The following ZBTB24 variants were observed in gnomAD, a reference collection of about 807,000 sequenced individuals.
The protein encoded by ZBTB24 is zinc finger and BTB domain containing 24.
In ZBTB24, 32 loss-of-function variants were observed where a neutral mutation model predicts 53.8. That is an observed-to-expected ratio of 0.60 (90% CI 0.45 to 0.80). The LOEUF (loss-of-function observed/expected upper bound fraction) is 0.80. ZBTB24 is among the 30% of genes least tolerant of loss of function. ZBTB24 has a pLI of 0.00. For synonymous variants in ZBTB24, 297 were observed against 306.7 expected (o/e 0.97, Z 0.33); for missense variants, 722 against 837.1 (o/e 0.86, Z 1.70).
At position 109,482,034 on chromosome 6, in the gene ZBTB24, A is replaced by C; in HGVS notation, c.-8T>G. ...TGGCGATGTTTCTGCCATTTTCTTC[A>C]GAAGCCACTAAGGGTTAAATCTGAA... On this transcript the variant is annotated 5_prime_UTR_variant, in exon 2 of 7. Coordinates refer to ENST00000230122, the MANE Select transcript of ZBTB24 (RefSeq NM_014797.3). The C allele has an allele frequency of 6.2e-7, 1 of 1,613,106 alleles. No individual in the cohort carries two copies. Among genetic ancestry groups the C allele is most frequent in the South Asian group, 1.1e-5 (1 of 91,060 alleles).
At chr6:109,471,527 T>C (rs1300503789) in intron 5 of ZBTB24, among the ~76,000 whole-genome samples, 2 of 152,220 alleles carry the variant, frequency 1.3e-5, no homozygotes, top group African/African-American at 2.4e-5. Flanking sequence ...CAGGGCCATC[T>C]ACCTGTGAGT....
rs1776037217 is a variant in ZBTB24, at chr6:109,466,235, G to T, written c.1710C>A (p.Ser570Arg). 6.2e-7 allele frequency: 1 copy of T among 1,614,094 alleles called. No homozygotes were observed. Among genetic ancestry groups the T allele is most frequent in the Admixed American group, 1.7e-5 (1 of 60,012 alleles). ...CTGCAGTCACAATGCTGATTCCCTG[G>T]CTAGGACCGGGCATGAAATTGATGT... ...VHNINFMPGPSQGISIVTAES... is the reference protein window; with the variant it reads ...VHNINFMPGPRQGISIVTAES... The change falls in exon 7 of 7, where the codon AGC (serine) becomes AGA (arginine). Residue 570 changes from serine to arginine, a missense_variant. Transcript: ENST00000230122.
At chr6:109,473,951 T>C (rs1776222845) in intron 5 of ZBTB24, among the ~76,000 whole-genome samples, 1 of 151,238 alleles carries the variant, frequency 6.6e-6, no homozygotes. Flanking sequence ...TAGCCAGGCG[T>C]GGTGGTGCGC....
chr6:109,481,466 T>C lies in ZBTB24; in HGVS notation c.561A>G (p.Arg187=), dbSNP rs1214916547. ...ELAAEEEIQL[R]VNNSVQNRQN... ...GTCTATTCTGAACTGAATTGTTCAC[T>C]CTTAACTGTATTTCTTCCTCTGCAG... Residue 187 remains arginine, a synonymous_variant, in exon 2 of 7, where the codon AGA becomes AGG. Transcript: ENST00000230122. The C allele has an allele frequency of 9.3e-6, 15 of 1,614,120 alleles. No individual in the cohort carries two copies. The South Asian group carries it at 1.3e-4, about 14-fold the overall frequency.
At position 109,467,740 on chromosome 6, in the gene ZBTB24, A is replaced by C; in HGVS notation, c.1289-6T>G. On this transcript the variant is annotated splice_polypyrimidine_tract_variant and splice_region_variant and intron_variant, in intron 5 of 6. Coordinates refer to ENST00000230122, the MANE Select transcript of ZBTB24 (RefSeq NM_014797.3). ...ACAAGTAAATGGCTTCTCACCTAAA[A>C]AAAACAAAAACAAAAACAAAAAACC... 6.2e-7 allele frequency: 1 copy of C among 1,612,374 alleles called. No individual in the cohort carries two copies.
At chr6:109,477,652 T>C (rs966229596) in intron 2 of ZBTB24, among the ~76,000 whole-genome samples, 1 of 152,216 alleles carries the variant, frequency 6.6e-6, no homozygotes, top group East Asian at 1.9e-4. Context: ...TGAGGAGGGT[T>C]AAGAAAAAGG....
intron 2 of ZBTB24, among the ~76,000 whole-genome samples, chr6:109,479,421 G>A (rs983640569): frequency 6.6e-6 from 1 of 152,164 alleles, no homozygotes; most frequent in Non-Finnish European, 1.5e-5. Context: ...AATATTACTA[G>A]ACCGGGAAAA....
At chr6:109,479,041 G>A (rs1776339990) in intron 2 of ZBTB24, among the ~76,000 whole-genome samples, 2 of 152,066 alleles carry the variant, frequency 1.3e-5, no homozygotes, top group Admixed American at 1.3e-4. Context: ...CAGAGGGTGG[G>A]GCCAAAAATG....
At chr6:109,482,482 A>G (rs1379240570) in intron 1 of ZBTB24, among the ~76,000 whole-genome samples, 2 of 147,640 alleles carry the variant, frequency 1.4e-5, no homozygotes, top group Non-Finnish European at 3.0e-5. Context: ...ACAAAAACAA[A>G]ACAACTTAGC....
chr6:109,480,234 T>C (rs1190206852), intron 2 of ZBTB24, among the ~76,000 whole-genome samples: 2 of 152,084 alleles, frequency 1.3e-5, no homozygotes, highest in East Asian at 3.9e-4. Flanking sequence ...AGATTACAAT[T>C]AAGTTGAGGG....
In ZBTB24 at chr6:109,476,975, C is replaced by T. The variant is rs370587862; in HGVS notation, c.953-45G>A. 154 of 1,603,220 alleles carry T rather than the reference C, an allele frequency of 9.6e-5. No homozygotes were observed. The African/African-American group carries it at 1.7e-3, about 18-fold the overall frequency. ...AGCATGGTATAAGTAAGAATCCACA[C>T]ATTTTTCTGTCTCTCCCAAATTAAA... On this transcript the variant is annotated intron_variant, in intron 2 of 6. Coordinates refer to ENST00000230122, the MANE Select transcript of ZBTB24 (RefSeq NM_014797.3).
chr6:109,476,841 G>A lies in ZBTB24; in HGVS notation c.1042C>T (p.Arg348Trp), dbSNP rs753917509. Residue 348 changes from arginine to tryptophan, a missense_variant, in exon 3 of 7, where the codon CGG becomes TGG. Physicochemically the swap from Arg to Trp is moderately radical, Grantham distance 101 (BLOSUM62 -3). Coordinates refer to ENST00000230122, the MANE Select transcript of ZBTB24 (RefSeq NM_014797.3). ...QVHTRMHTGE[R>W]PYTCTVCSKA... is the part of the protein sequence containing the mutation. Reference sequence around the variant, plus strand: ...CTGCACACGGTGCAGGTGTACGGCCGCTCGCCTGTGTGCATCCTGGTGTGG... The same window carrying A: ...CTGCACACGGTGCAGGTGTACGGCCACTCGCCTGTGTGCATCCTGGTGTGG... 16 of 1,614,132 alleles carry A rather than the reference G, an allele frequency of 9.9e-6. No homozygotes were observed. Among genetic ancestry groups the A allele is most frequent in the Non-Finnish European group, 1.4e-5 (16 of 1,180,024 alleles).
At chr6:109,477,731 T>C (rs2115362908) in intron 2 of ZBTB24, among the ~76,000 whole-genome samples, 1 of 152,270 alleles carries the variant, frequency 6.6e-6, no homozygotes, top group Middle Eastern at 3.4e-3. Flanking sequence ...AGTCAACATT[T>C]CCATCTGGGA....
At position 109,467,745 on chromosome 6, in the gene ZBTB24, C is replaced by CA. The variant is rs1370420151; in HGVS notation, c.1289-12dup. On this transcript the variant is annotated splice_polypyrimidine_tract_variant and intron_variant, in intron 5 of 6. Coordinates refer to ENST00000230122, the MANE Select transcript of ZBTB24 (RefSeq NM_014797.3). Reference sequence around the variant, plus strand: ...TAAATGGCTTCTCACCTAAAAAAAACAAAAACAAAAACAAAAAACCCAAAA... The same window carrying CA: ...TAAATGGCTTCTCACCTAAAAAAAACAAAAAACAAAAACAAAAAACCCAAAA... 1.2e-6 allele frequency: 2 copies of CA among 1,611,260 alleles called. No homozygotes were observed. Among genetic ancestry groups the CA allele is most frequent in the Non-Finnish European group, 1.7e-6 (2 of 1,179,174 alleles).
chr6:109,466,311 G>C lies in ZBTB24; in HGVS notation c.1634C>G (p.Ser545Cys), dbSNP rs1247770037. 1.9e-6 allele frequency: 3 copies of C among 1,614,110 alleles called. No homozygotes were observed. The highest frequency in any genetic ancestry group is 2.7e-5 in the African/African-American group (2 of 74,932). The change falls in exon 7 of 7, where the codon TCT (serine) becomes TGT (cysteine). Residue 545 changes from serine (S) to cysteine (C), a missense_variant. Transcript: ENST00000230122. ...CTGAATTTCCTGCTCTCCCGAGGTA[G>C]AGAGTTGATATGGCTGTAGCTGAAG... ...NILQLQPYQL[S>C]TSGEQEIQLL...
intron 5 of ZBTB24, among the ~76,000 whole-genome samples, chr6:109,470,703 T>TA (rs1389771774): frequency 1.3e-5 from 2 of 152,184 alleles, no homozygotes; most frequent in African/African-American, 2.4e-5. Flanking sequence ...TTGTTTTTCT[T>TA]AAAAAATTAC....
In ZBTB24 at chr6:109,465,640, G is replaced by C. The variant is rs1164564937; in HGVS notation, c.*211C>G. The stretch of plus-strand genomic sequence containing the variant: ...AAAATGAAAACCATTCAATAATATT[G>C]AAATGCTCAATACAAATCAGTACCT... On this transcript the variant is annotated 3_prime_UTR_variant, in exon 7 of 7. Transcript: ENST00000230122. 2 of 1,548,056 alleles carry C rather than the reference G, an allele frequency of 1.3e-6. No homozygotes were observed. The highest frequency in any genetic ancestry group is 2.7e-5 in the African/African-American group (2 of 73,362).
intron 2 of ZBTB24, among the ~76,000 whole-genome samples, chr6:109,478,707 G>A (rs535916871): frequency 6.6e-5 from 10 of 151,876 alleles, no homozygotes; most frequent in African/African-American, 2.4e-4. Context: ...ATAAAATACA[G>A]GCTCTCTCCA....
intron 5 of ZBTB24, among the ~76,000 whole-genome samples, chr6:109,470,874 G>A (rs1468696697): frequency 2.6e-5 from 4 of 152,180 alleles, no homozygotes; most frequent in African/African-American, 9.7e-5. Flanking sequence ...AATGCATGCC[G>A]TTTGTCACAT....
Sources: gnomAD v4.1 joint callset for allele counts (sites outside exome capture counted in the v4.1 genomes callset) on GRCh38, gnomAD v4.1.1 for gene constraint, MANE v1.5 for transcripts, NCBI Gene and HGNC (gene_info 2026-07-23, HGNC 2026-07-21) for gene names.